The following KCNJ6 variants were observed in gnomAD, a reference collection of about 807,000 sequenced individuals.
The protein encoded by KCNJ6 is potassium inwardly rectifying channel subfamily J member 6.
A neutral mutation model predicts 34.2 loss-of-function variants in KCNJ6; 9 were observed. That is an observed-to-expected ratio of 0.26 (90% confidence interval 0.16 to 0.46). The LOEUF is 0.46. KCNJ6 is among the 20% of genes least tolerant of loss of function. The pLI is 1.00. For missense variants in KCNJ6, 236 were observed against 531.3 expected (o/e 0.44, Z 5.46); for synonymous variants, 196 against 207.1 (o/e 0.95, Z 0.46).
chr21:37,899,153 C>CT (rs577728098), intron 1 of KCNJ6, among the ~76,000 whole-genome samples: 46 of 152,288 alleles, frequency 3.0e-4, no homozygotes, highest in Non-Finnish European at 5.7e-4. Flanking sequence ...GGAGAGACGG[C>CT]TCCGTCTGTT....
chr21:37,777,496 T>G (rs2055147993), intron 2 of KCNJ6, among the ~76,000 whole-genome samples: 1 of 152,224 alleles, frequency 6.6e-6, no homozygotes, highest in Non-Finnish European at 1.5e-5. Context: ...CTATGTTTAC[T>G]ATTTGCTTTT....
At chr21:37,717,786 A>C (rs146024757) in intron 2 of KCNJ6, among the ~76,000 whole-genome samples, 30 of 152,284 alleles carry the variant, frequency 2.0e-4, no homozygotes, top group African/African-American at 7.2e-4. Context: ...TGAGTCCTTA[A>C]GTGGGAGAAG....
intron 2 of KCNJ6, among the ~76,000 whole-genome samples, chr21:37,738,022 G>A (rs1403202613): frequency 6.6e-6 from 1 of 152,298 alleles, no homozygotes; most frequent in South Asian, 2.1e-4. Context: ...ATGGGTTTCA[G>A]GACAGTGGTT....
rs951982024 is a variant in KCNJ6, at chr21:37,853,131, C to G, written c.-27-12422G>C. Reference sequence around the variant, plus strand: ...AAAGTATTCAAGGGAATAATGGCTGCAATTTTTTCAAATTAAAAAAAAAAA... The same window carrying G: ...AAAGTATTCAAGGGAATAATGGCTGGAATTTTTTCAAATTAAAAAAAAAAA... On this transcript the variant is annotated intron_variant, in intron 1 of 3. Coordinates refer to ENST00000609713, the MANE Select transcript of KCNJ6 (RefSeq NM_002240.5). Among the ~76,000 whole-genome samples the G allele has an allele frequency of 7.3e-4, 104 of 141,866 alleles. 1 individual carries two copies. Among genetic ancestry groups the G allele is most frequent in the Admixed American group, 4.0e-3 (56 of 14,160 alleles). 93.1% of individuals were successfully genotyped at this position (141,866 alleles called of 152,430 possible).
chr21:37,676,066 G>C (rs1186735554), intron 3 of KCNJ6, among the ~76,000 whole-genome samples: 1 of 152,246 alleles, frequency 6.6e-6, no homozygotes, highest in Non-Finnish European at 1.5e-5. Flanking sequence ...AGATTCGTGG[G>C]CACCACAGAA....
intron 2 of KCNJ6, among the ~76,000 whole-genome samples, chr21:37,809,763 T>C (rs999416710): frequency 2.6e-5 from 4 of 152,190 alleles, no homozygotes; most frequent in African/African-American, 9.7e-5. Context: ...ATGAGCATGG[T>C]ATGTGTGCTG....
intron 2 of KCNJ6, among the ~76,000 whole-genome samples, chr21:37,752,595 G>A (rs1274260633): frequency 6.6e-6 from 1 of 152,144 alleles, no homozygotes; most frequent in Non-Finnish European, 1.5e-5. Flanking sequence ...TCCCACACAT[G>A]GCAGACACGC....
chr21:37,843,066 C>T (rs534514946), intron 1 of KCNJ6, among the ~76,000 whole-genome samples: 1 of 152,056 alleles, frequency 6.6e-6, no homozygotes, highest in African/African-American at 2.4e-5. Context: ...GCAGTGAGAA[C>T]CCCCCAACGC....
At position 37,885,781 on chromosome 21, in the gene KCNJ6, G is replaced by A. The variant is rs191299399; in HGVS notation, c.-28+30103C>T. Among the ~76,000 whole-genome samples the A allele has an allele frequency of 9.8e-5, 15 of 152,334 alleles. 1 individual carries two copies. The East Asian group carries it at 1.7e-3, about 18-fold the overall frequency. ...GCTAACACCTTGATTTCAGCCTTGG[G>A]CAAAGCCCAGCCAAGCCTGCACTTC... On this transcript the variant is annotated intron_variant, in intron 1 of 3. Transcript: ENST00000609713.
At chr21:37,778,751 GACA>G (rs928088381) in intron 2 of KCNJ6, among the ~76,000 whole-genome samples, 20 of 151,042 alleles carry the variant, frequency 1.3e-4, no homozygotes, top group African/African-American at 4.6e-4. Context: ...TTTGAATCAA[GACA>G]ACATGTTCCC....
chr21:37,655,372 G>A (rs1181231266), intron 3 of KCNJ6, among the ~76,000 whole-genome samples: 1 of 152,178 alleles, frequency 6.6e-6, no homozygotes, highest in Non-Finnish European at 1.5e-5. Context: ...TACTTTTGGA[G>A]TAATTGTATC....
chr21:37,820,034 C>T lies in KCNJ6; in HGVS notation c.25+20624G>A, dbSNP rs149587255. Among the ~76,000 whole-genome samples the T allele has an allele frequency of 3.0e-4, 46 of 152,082 alleles. 1 individual carries two copies. The East Asian group carries it at 6.4e-3, about 21-fold the overall frequency. Reference sequence around the variant, plus strand: ...AACTCCTGAGCTCAGGTGATCCACCCGCCTCAGCCTCCCAAAGTGCTGGGA... The same window carrying T: ...AACTCCTGAGCTCAGGTGATCCACCTGCCTCAGCCTCCCAAAGTGCTGGGA... On this transcript the variant is annotated intron_variant, in intron 2 of 3. Coordinates refer to ENST00000609713, the MANE Select transcript of KCNJ6 (RefSeq NM_002240.5).
chr21:37,876,874 C>G (rs967012980), intron 1 of KCNJ6, among the ~76,000 whole-genome samples: 1 of 152,200 alleles, frequency 6.6e-6, no homozygotes, highest in Admixed American at 6.5e-5. Flanking sequence ...AGACCTGAGG[C>G]AAGCTTGCTT....
chr21:37,903,342 G>T (rs1466954177), intron 1 of KCNJ6, among the ~76,000 whole-genome samples: 1 of 152,200 alleles, frequency 6.6e-6, no homozygotes, highest in African/African-American at 2.4e-5. Context: ...CTGTCACCAT[G>T]TAAGATGTGC....
At chr21:37,872,646 T>C (rs1471545054) in intron 1 of KCNJ6, among the ~76,000 whole-genome samples, 1 of 152,170 alleles carries the variant, frequency 6.6e-6, no homozygotes, top group Non-Finnish European at 1.5e-5. Flanking sequence ...GCTTTGTGGT[T>C]TATGTATCAG....
intron 2 of KCNJ6, among the ~76,000 whole-genome samples, chr21:37,784,362 T>G (rs181973794): frequency 9.1e-4 from 138 of 152,268 alleles, no homozygotes; most frequent in African/African-American, 3.1e-3. Context: ...CAAAGGCCTT[T>G]CCCTGCCCTC....
intron 3 of KCNJ6, among the ~76,000 whole-genome samples, chr21:37,662,730 G>A (rs1410630076): frequency 2.0e-5 from 3 of 152,160 alleles, no homozygotes; most frequent in Non-Finnish European, 4.4e-5. Context: ...CACCAACAGT[G>A]TAAAAACATT....
At position 37,757,905 on chromosome 21, in the gene KCNJ6, C is replaced by A. The variant is rs61453828; in HGVS notation, c.26-42774G>T. Among the ~76,000 whole-genome samples the A allele has an allele frequency of 7.8e-3, 1,183 of 152,368 alleles. 14 individuals carry two copies. The highest frequency in any genetic ancestry group is 0.027 in the African/African-American group (1,143 of 41,574). On this transcript the variant is annotated intron_variant, in intron 2 of 3. Coordinates refer to ENST00000609713, the MANE Select transcript of KCNJ6 (RefSeq NM_002240.5). ...AGCAAATGATTCCTAATTAATACAA[C>A]AACAGAAAGGCCTCACAATGTCAAA...
In KCNJ6 at chr21:37,614,700, G is replaced by A. The variant is rs2054258736; in HGVS notation, c.*10459C>T. ...TGCGTGTGTGTATGCATGTCTTGGT[G>A]TGTGTATGCATGTGCATGTATGCGT... On this transcript the variant is annotated 3_prime_UTR_variant, in exon 4 of 4. Transcript: ENST00000609713. 6.8e-6 allele frequency: 1 copy of A among 146,792 alleles called. No homozygotes were observed. The highest frequency in any genetic ancestry group is 2.5e-5 in the African/African-American group (1 of 40,252). The allele number at this position is 146,792 out of a possible 1,614,324, so 9.1% of individuals were successfully genotyped here.
Sources: gnomAD v4.1 joint callset for allele counts (sites outside exome capture counted in the v4.1 genomes callset) on GRCh38, gnomAD v4.1.1 for gene constraint, MANE v1.5 for transcripts, NCBI Gene and HGNC (gene_info 2026-07-23, HGNC 2026-07-21) for gene names.